Variants in TMEM67 observed in about 807,000 individuals in gnomAD.
The protein encoded by TMEM67 is transmembrane protein 67.
Under a neutral mutation model 136.6 loss-of-function variants are expected in TMEM67, and 124 were observed. The ratio of observed to expected loss-of-function variants is 0.91; its 90% CI spans 0.78 to 1.05. The LOEUF (loss-of-function observed/expected upper bound fraction) is 1.05. Among genes scored for constraint, TMEM67 ranks in the 50% least tolerant of loss-of-function variants. The pLI is 0.00. For synonymous variants in TMEM67, 364 were observed against 390.5 expected (o/e 0.93, Z 0.80); for missense variants, 1,107 against 1,178.4 (o/e 0.94, Z 0.89).
At chr8:93,780,544 T>C (rs780498717) in intron 7 of TMEM67, 49 bp from the exon 8 acceptor site, 21 of 1,611,480 alleles carry the variant, frequency 1.3e-5, no homozygotes, top group Non-Finnish European at 1.7e-5. Context: ...AACTTTTGCA[T>C]AGACTGTTCA....
At chr8:93,781,784 A>AT (rs754699265) in intron 10 of TMEM67, 40 bp downstream of exon 10, 1 of 1,248,562 alleles carries the variant, frequency 8.0e-7, no homozygotes, top group East Asian at 2.4e-5. Context: ...AACATGCATT[A>AT]TTTTTGCCTG....
At chr8:93,788,934 C>G (rs1425969719) in intron 14 of TMEM67, among the ~76,000 whole-genome samples, 1 of 152,142 alleles carries the variant, frequency 6.6e-6, no homozygotes, top group East Asian at 1.9e-4. Flanking sequence ...CTCAACTTCT[C>G]CAGTCAGATA....
chr8:93,797,557 AG>A, intron 20 of TMEM67, 87 bp downstream of exon 20: 1 of 1,290,936 alleles, frequency 7.7e-7, no homozygotes, highest in Non-Finnish European at 1.1e-6. Flanking sequence ...TTTTCATGAC[AG>A]TGGAAGATTT....
chr8:93,757,375 C>T (rs779791211), intron 2 of TMEM67, among the ~76,000 whole-genome samples: 4 of 151,636 alleles, frequency 2.6e-5, no homozygotes, highest in East Asian at 3.9e-4. Flanking sequence ...CGGTGGCTCA[C>T]GCCTGTAATC....
chr8:93,777,743 T>C (rs975260273), intron 7 of TMEM67, among the ~76,000 whole-genome samples: 2 of 152,246 alleles, frequency 1.3e-5, no homozygotes, highest in African/African-American at 2.4e-5. Context: ...TCTGTTCTTT[T>C]ACATTTGCTG....
chr8:93,823,142 A>T (rs1002239621), downstream of TMEM67, among the ~76,000 whole-genome samples: 1 of 152,234 alleles, frequency 6.6e-6, no homozygotes, highest in Non-Finnish European at 1.5e-5. Flanking sequence ...ACATAAAAGT[A>T]TCATCTTACA....
intron 3 of TMEM67, chr8:93,763,099 T>G (rs1407171139): frequency 4.2e-6 from 1 of 236,284 alleles, no homozygotes; most frequent in Non-Finnish European, 8.7e-6. Flanking sequence ...ATTTTGTATT[T>G]TTTTTTTTTT....
intron 22 of TMEM67, among the ~76,000 whole-genome samples, 195 bp downstream of exon 22, chr8:93,803,879 ATTTT>A (rs377147074): frequency 7.2e-6 from 1 of 139,058 alleles, no homozygotes; most frequent in African/African-American, 2.6e-5. Context: ...TCATTTTTTC[ATTTT>A]TTTTTTTTTT....
intron 6 of TMEM67, among the ~76,000 whole-genome samples, chr8:93,771,774 G>C (rs902226867): frequency 2.8e-5 from 4 of 145,240 alleles, no homozygotes; most frequent in Non-Finnish European, 5.9e-5. Flanking sequence ...TTTTTTACCA[G>C]TTTGTGTGCA....
intron 14 of TMEM67, among the ~76,000 whole-genome samples, chr8:93,789,067 C>T (rs1814252714): frequency 6.6e-6 from 1 of 152,176 alleles, no homozygotes; most frequent in African/African-American, 2.4e-5. Context: ...TCTCTAAAAA[C>T]ATGAGAAGTA....
chr8:93,789,031 A>G (rs534505260), intron 14 of TMEM67, among the ~76,000 whole-genome samples: 1 of 152,340 alleles, frequency 6.6e-6, no homozygotes, highest in South Asian at 2.1e-4. Flanking sequence ...TTTTCCTCCT[A>G]GAGATTAAGT....
intron 7 of TMEM67, among the ~76,000 whole-genome samples, chr8:93,773,793 T>C (rs957392934): frequency 2.0e-5 from 3 of 152,200 alleles, no homozygotes; most frequent in African/African-American, 4.8e-5. Context: ...AACATACAAA[T>C]TATTGTTCTT....
chr8:93,829,242 T>C, the TMEM67 span, among the ~76,000 whole-genome samples: 1 of 152,186 alleles, frequency 6.6e-6, no homozygotes, highest in African/African-American at 2.4e-5. Flanking sequence ...GAAATAGGCA[T>C]AGTTTTCTTC....
intron 7 of TMEM67, among the ~76,000 whole-genome samples, chr8:93,774,412 G>A (rs1018884571): frequency 2.0e-5 from 3 of 152,076 alleles, no homozygotes; most frequent in Admixed American, 6.6e-5. Context: ...TGCACAACAT[G>A]CAGGTTTGTT....
intron 6 of TMEM67, among the ~76,000 whole-genome samples, 188 bp from the exon 7 acceptor site, chr8:93,772,401 A>G (rs1004357152): frequency 1.3e-5 from 2 of 152,250 alleles, no homozygotes; most frequent in African/African-American, 4.8e-5. Flanking sequence ...TCTTTTGCCT[A>G]AGTGTGATTA....
chr8:93,755,061 C>T lies in TMEM67; in HGVS notation c.147C>T (p.Cys49=). 1 of 1,614,162 alleles carries T rather than the reference C, an allele frequency of 6.2e-7. No homozygotes were observed. The highest frequency in any genetic ancestry group is 8.5e-7 in the Non-Finnish European group (1 of 1,180,030). ...TCCCTTTCCAGCAGCCGGAGAAGTG[C>T]GACAACAACCAGTACTTTGATATCT... ...FSFPFQQPEK[C]DNNQYFDISA... The change falls in exon 1 of 28, where the codon TGC becomes TGT. Residue 49 remains cysteine, a synonymous_variant. Transcript: ENST00000453321.
At chr8:93,782,687 C>T (rs1813902016) in intron 11 of TMEM67, among the ~76,000 whole-genome samples, 1 of 150,146 alleles carries the variant, frequency 6.7e-6, no homozygotes, top group African/African-American at 2.5e-5. Flanking sequence ...GATTCTCCTG[C>T]CTCAGCCTCC....
Position 93,785,225 on chromosome 8 carries a change from G to A in TMEM67, c.1135G>A (p.Glu379Lys). 2 of 1,568,408 alleles carry A rather than the reference G, an allele frequency of 1.3e-6. No homozygotes were observed. The highest frequency in any genetic ancestry group is 2.7e-5 in the African/African-American group (2 of 73,986). The change falls in exon 12 of 28, where the codon GAG (glutamate) becomes AAG (lysine). Residue 379 changes from glutamate (E) to lysine (K), a missense_variant. Physicochemically the swap from Glu to Lys is moderately conservative, Grantham distance 56. Coordinates refer to ENST00000453321, the MANE Select transcript of TMEM67 (RefSeq NM_153704.6). Reference protein sequence around the residue: ...SFGTTYQQNCEIPISKILIDF... With the variant: ...SFGTTYQQNCKIPISKILIDF... ...TATTTTTAATTTTACTTTTCAGTGT[G>A]AGATTCCTATCTCTAAGATCTTAAT...
Position 93,755,801 on chromosome 8 carries a change from G to A in TMEM67, c.247G>A (p.Gly83Arg). The A allele has an allele frequency of 6.9e-7, 1 of 1,449,098 alleles. No individual in the cohort carries two copies. Among genetic ancestry groups the A allele is most frequent in the South Asian group, 1.2e-5 (1 of 81,146 alleles). The allele number at this position is 1,449,098 out of a possible 1,614,324, so 89.8% of individuals were successfully genotyped here. A position where few individuals can be genotyped will look rare whatever the true frequency, so the allele number is the denominator to read the frequency against. The change falls in exon 2 of 28, where the codon GGA becomes AGA. Residue 83 changes from glycine (G) to arginine (R), a missense_variant. Coordinates refer to ENST00000453321, the MANE Select transcript of TMEM67 (RefSeq NM_153704.6). ...ARGTSCVCLP[G>R]FQMISNNGGP... ...AGGAACTTCATGTGTATGTCTACCAGGATTTCAGATGATCTCTAATAATGG... is the reference window on the plus strand; with the variant it reads ...AGGAACTTCATGTGTATGTCTACCAAGATTTCAGATGATCTCTAATAATGG...
Sources: gnomAD v4.1 joint callset for allele counts (sites outside exome capture counted in the v4.1 genomes callset) on GRCh38, gnomAD v4.1.1 for gene constraint, MANE v1.5 for transcripts, NCBI Gene and HGNC (gene_info 2026-07-23, HGNC 2026-07-21) for gene names.